Variants in GUCY1A1 observed in about 807,000 individuals in gnomAD.
The protein encoded by GUCY1A1 is guanylate cyclase 1 soluble subunit alpha 1.
GUCY1A1 carries 48 observed loss-of-function variants against 64.5 expected under a neutral mutation model. The observed-to-expected ratio is 0.74, with a 90% CI of 0.59 to 0.95. GUCY1A1 has a LOEUF of 0.95. Among genes scored for constraint, GUCY1A1 ranks in the 40% least tolerant of loss-of-function variants. The pLI, the probability that GUCY1A1 is intolerant of heterozygous loss-of-function variation, is 0.00. For synonymous variants in GUCY1A1, 308 were observed against 303.4 expected (o/e 1.02, Z -0.16); for missense variants, 804 against 825.3 (o/e 0.97, Z 0.32).
At chr4:155,700,881 G>A (rs1730992635) in intron 3 of GUCY1A1, among the ~76,000 whole-genome samples, 1 of 152,174 alleles carries the variant, frequency 6.6e-6, no homozygotes, top group Admixed American at 6.5e-5. Context: ...GAATTTGGAA[G>A]GAAATATTGG....
intron 2 of GUCY1A1, among the ~76,000 whole-genome samples, chr4:155,685,618 T>G (rs113210255): frequency 0.1 from 15,262 of 149,956 alleles, 2,676 homozygotes; most frequent in African/African-American, 0.35. Flanking sequence ...TTTTTTTTTT[T>G]TTTTTTTTTC....
chr4:155,703,507 A>C (rs942517005), intron 3 of GUCY1A1, among the ~76,000 whole-genome samples: 1 of 152,316 alleles, frequency 6.6e-6, no homozygotes, highest in African/African-American at 2.4e-5. Flanking sequence ...GGCTTGGTCC[A>C]TGCTGAGATT....
At chr4:155,682,098 G>T (rs1735857460) in intron 2 of GUCY1A1, among the ~76,000 whole-genome samples, 1 of 151,614 alleles carries the variant, frequency 6.6e-6, no homozygotes, top group Non-Finnish European at 1.5e-5. Context: ...ATCTCTAGTA[G>T]CCATCTTTTC....
chr4:155,688,046 A>ACCCCGT (rs1176390008), intron 2 of GUCY1A1, among the ~76,000 whole-genome samples: 2 of 151,236 alleles, frequency 1.3e-5, no homozygotes, highest in Non-Finnish European at 2.9e-5. Context: ...ACACAGTGAA[A>ACCCCGT]CCCCGTCTCT....
At chr4:155,670,041 A>C (rs1708931006) in intron 2 of GUCY1A1, among the ~76,000 whole-genome samples, 1 of 152,194 alleles carries the variant, frequency 6.6e-6, no homozygotes, top group Admixed American at 6.5e-5. Context: ...ATACAAGCCA[A>C]AAAGTATGTG....
intron 4 of GUCY1A1, among the ~76,000 whole-genome samples, chr4:155,706,419 C>G (rs1560943955): frequency 6.6e-6 from 1 of 152,018 alleles, no homozygotes; most frequent in East Asian, 1.9e-4. Context: ...CAACTTAACT[C>G]TTTTTTGTGC....
At position 155,730,191 on chromosome 4, in the gene GUCY1A1, G is replaced by A. The variant is rs768418830; in HGVS notation, c.2033G>A (p.Gly678Asp). Residue 678 changes from glycine (G) to aspartate (D), a missense_variant, in exon 10 of 10, where the codon GGC becomes GAC. Transcript: ENST00000506455. The part of the protein sequence containing the change: ...PCFQKKDVED[G>D]NANFLGKASG... ...TTCCAAAAGAAAGATGTGGAAGATG[G>A]CAATGCCAATTTTTTAGGCAAAGCA... is the stretch of plus-strand genomic sequence containing the variant. 7.4e-6 allele frequency: 12 copies of A among 1,611,060 alleles called. No individual in the cohort carries two copies. In the East Asian group the frequency reaches 2.7e-4, roughly 36 times the overall value.
chr4:155,688,789 G>GAA (rs200637643), intron 2 of GUCY1A1, among the ~76,000 whole-genome samples: 4 of 145,580 alleles, frequency 2.7e-5, no homozygotes, highest in African/African-American at 1.1e-4. Context: ...AAGCAAAAAA[G>GAA]AAAAAAAACA....
intron 9 of GUCY1A1, among the ~76,000 whole-genome samples, chr4:155,728,480 T>C (rs1735053607): frequency 6.6e-6 from 1 of 151,896 alleles, no homozygotes. Context: ...AATTAGAGTG[T>C]GTCCAATTTT....
intron 2 of GUCY1A1, among the ~76,000 whole-genome samples, chr4:155,691,840 C>T (rs1729780333): frequency 6.6e-6 from 1 of 152,132 alleles, no homozygotes; most frequent in Non-Finnish European, 1.5e-5. Flanking sequence ...CAGTTTGTTA[C>T]ATAAGTAAAC....
intron 2 of GUCY1A1, among the ~76,000 whole-genome samples, chr4:155,684,879 C>T (rs73858158): frequency 0.025 from 3,734 of 152,278 alleles, 154 homozygotes; most frequent in African/African-American, 0.084. Flanking sequence ...AATATCTAAA[C>T]TTCATTACCT....
Position 155,733,233 on chromosome 4 carries a change from T to C in GUCY1A1, c.*3002T>C, listed in dbSNP as rs971989627. Among the ~76,000 whole-genome samples the C allele has an allele frequency of 1.3e-5, 2 of 151,760 alleles. No individual in the cohort carries two copies. Among genetic ancestry groups the C allele is most frequent in the Non-Finnish European group, 2.9e-5 (2 of 67,866 alleles). On this transcript the variant is annotated 3_prime_UTR_variant, in exon 10 of 10. Transcript: ENST00000506455. ...AGTGAAAGACAAATGTAAGACATAA[T>C]TACAACATTCTGTGGGAGCACAAAG...
chr4:155,724,924 C>T lies in GUCY1A1; in HGVS notation c.1871+2732C>T, dbSNP rs74440968. Among the ~76,000 whole-genome samples the T allele has an allele frequency of 4.8e-3, 727 of 152,140 alleles. 2 individuals are homozygous for T. The highest frequency in any genetic ancestry group is 0.017 in the Middle Eastern group (5 of 294). On this transcript the variant is annotated intron_variant, in intron 9 of 9. Coordinates refer to ENST00000506455, the MANE Select transcript of GUCY1A1 (RefSeq NM_001130682.3). Reference sequence around the variant, plus strand: ...ACACAGACTGATGAAATCCACTTCCCACCCAGGCAAGCTTACCAATCACCT... The same window carrying T: ...ACACAGACTGATGAAATCCACTTCCTACCCAGGCAAGCTTACCAATCACCT...
rs183198575 is a variant in GUCY1A1, at chr4:155,696,707, C to T, written c.-112-49C>T. ...TCACCTGTCTTTTTCTGTTTTCATC[C>T]GTGCATAAAGTCACTCCTCTTTCTG... is the stretch of plus-strand genomic sequence containing the variant. On this transcript the variant is annotated intron_variant, in intron 2 of 9. Transcript: ENST00000506455. The T allele has an allele frequency of 4.0e-4, 226 of 565,772 alleles. No homozygotes were observed. The Middle Eastern group carries it at 4.2e-3, about 11-fold the overall frequency. The allele number at this position is 565,772 out of a possible 1,614,324, so 35.0% of individuals were successfully genotyped here. A position where few individuals can be genotyped will look rare whatever the true frequency, so the allele number is the denominator to read the frequency against.
At chr4:155,679,780 T>C (rs796300425) in intron 2 of GUCY1A1, among the ~76,000 whole-genome samples, 4 of 152,334 alleles carry the variant, frequency 2.6e-5, no homozygotes, top group African/African-American at 9.6e-5. Context: ...TAAAAGTTTA[T>C]TTCTATTTCT....
intron 2 of GUCY1A1, among the ~76,000 whole-genome samples, chr4:155,672,100 T>A (rs1734227444): frequency 6.7e-6 from 1 of 149,752 alleles, no homozygotes; most frequent in African/African-American, 2.4e-5. Context: ...ATTTTCCCCA[T>A]CGAATTTTAT....
At chr4:155,689,634 A>G (rs1338313571) in intron 2 of GUCY1A1, among the ~76,000 whole-genome samples, 2 of 152,190 alleles carry the variant, frequency 1.3e-5, no homozygotes, top group Non-Finnish European at 2.9e-5. Context: ...GAATTTTGCT[A>G]TTATTTCAAA....
intron 2 of GUCY1A1, among the ~76,000 whole-genome samples, chr4:155,691,195 C>T (rs974532747): frequency 1.3e-5 from 2 of 152,182 alleles, no homozygotes; most frequent in Middle Eastern, 3.4e-3. Flanking sequence ...TAAAGCCAAC[C>T]TTTCAAAAAG....
rs1279485250 is a variant in GUCY1A1, at chr4:155,722,209, A to G, written c.1871+17A>G. Reference sequence around the variant, plus strand: ...AACTTACAGGTAGTAATTATGTTAAACACCTAAAATCTCTTGTTTTTATTT... The same window carrying G: ...AACTTACAGGTAGTAATTATGTTAAGCACCTAAAATCTCTTGTTTTTATTT... On this transcript the variant is annotated intron_variant, in intron 9 of 9. Transcript: ENST00000506455. 10 of 1,608,238 alleles carry G rather than the reference A, an allele frequency of 6.2e-6. No homozygotes were observed. The highest frequency in any genetic ancestry group is 7.6e-6 in the Non-Finnish European group (9 of 1,177,078).
Sources: gnomAD v4.1 joint callset for allele counts (sites outside exome capture counted in the v4.1 genomes callset) on GRCh38, gnomAD v4.1.1 for gene constraint, MANE v1.5 for transcripts, NCBI Gene and HGNC (gene_info 2026-07-23, HGNC 2026-07-21) for gene names.